Variants in JAK2 observed in about 807,000 individuals in gnomAD.
JAK2 encodes the protein Janus kinase 2.
Under a neutral mutation model 139.3 loss-of-function variants are expected in JAK2, and 86 were observed. That is an observed-to-expected ratio of 0.62 (90% CI 0.52 to 0.74). JAK2 has a LOEUF of 0.74. Among genes scored for constraint, JAK2 ranks in the 30% least tolerant of loss-of-function variants. The pLI is 0.00. For missense variants in JAK2, 1,421 were observed against 1,360.3 expected (o/e 1.04, Z -0.70); for synonymous variants, 490 against 437.7 (o/e 1.12, Z -1.49).
intron 2 of JAK2, among the ~76,000 whole-genome samples, chr9:4,992,554 C>T (rs750481932): frequency 2.0e-5 from 3 of 152,160 alleles, no homozygotes; most frequent in Non-Finnish European, 2.9e-5. Context: ...ATCTGAAATA[C>T]ACGCAAAATA....
Position 4,991,095 on chromosome 9 carries a change from G to T in JAK2, c.-26+5073G>T, listed in dbSNP as rs28510269. ...TTTGTGCTGGTAAAATTTGAATAAA[G>T]TGATAAAATATTTGTTTCTAAAAGG... On this transcript the variant is annotated intron_variant, in intron 2 of 24. Coordinates refer to ENST00000381652, the MANE Select transcript of JAK2 (RefSeq NM_004972.4). Among the ~76,000 whole-genome samples the T allele has an allele frequency of 4.6e-3, 702 of 152,254 alleles. 4 individuals carry two copies. Among genetic ancestry groups the T allele is most frequent in the African/African-American group, 0.015 (643 of 41,550 alleles).
At chr9:5,003,474 T>C (rs150921049) in intron 2 of JAK2, among the ~76,000 whole-genome samples, 1,737 of 152,180 alleles carry the variant, frequency 0.011, 22 homozygotes, top group Middle Eastern at 0.031. Flanking sequence ...GATTTTTTGT[T>C]ACTATTGTAA....
intron 10 of JAK2, among the ~76,000 whole-genome samples, chr9:5,067,754 T>A (rs916910498): frequency 6.6e-6 from 1 of 152,148 alleles, no homozygotes; most frequent in African/African-American, 2.4e-5. Flanking sequence ...AGGAAACTTA[T>A]CTACTGGACA....
chr9:5,062,418 G>A (rs1425762259), intron 8 of JAK2, among the ~76,000 whole-genome samples: 2 of 142,242 alleles, frequency 1.4e-5, no homozygotes, highest in South Asian at 4.5e-4. Flanking sequence ...TGACACATAG[G>A]AAGTAAGCAT....
At chr9:4,987,530 G>T (rs1820014882) in intron 2 of JAK2, among the ~76,000 whole-genome samples, 1 of 152,050 alleles carries the variant, frequency 6.6e-6, no homozygotes, top group African/African-American at 2.4e-5. Flanking sequence ...GAGGTGAGGA[G>T]CTTGAGACCA....
chr9:5,033,176 TGAGAA>T (rs1191755159), intron 4 of JAK2, among the ~76,000 whole-genome samples: 8 of 151,854 alleles, frequency 5.3e-5, no homozygotes, highest in Non-Finnish European at 1.0e-4. Flanking sequence ...TGAAATGAAG[TGAGAA>T]GAGAAGTTTA....
At chr9:5,124,707 A>G (rs1023378389) in intron 23 of JAK2, among the ~76,000 whole-genome samples, 4 of 151,826 alleles carry the variant, frequency 2.6e-5, no homozygotes, top group African/African-American at 9.7e-5. Flanking sequence ...TATAAAAAAC[A>G]AACACATAGA....
At position 5,080,656 on chromosome 9, in the gene JAK2, C is replaced by T. The variant is rs769318116; in HGVS notation, c.2407C>T (p.Arg803Ter). 9 of 1,596,520 alleles carry T rather than the reference C, an allele frequency of 5.6e-6. No homozygotes were observed. The highest frequency in any genetic ancestry group is 2.7e-5 in the African/African-American group (2 of 72,982). Residue 803 changes from arginine (R) to a stop codon, truncating the protein, a stop_gained, in exon 18 of 25, where the codon CGA becomes TGA. Transcript: ENST00000381652. LOFTEE classifies it high-confidence loss of function. ...CAGGCCTTCTTTCAGAGCCATCATA[C>T]GAGATCTTAACAGTTTGTTTACTCC... ...DFRPSFRAII[R>*]DLNSLFTPDY...
chr9:5,003,851 AG>A (rs55689419), intron 2 of JAK2, among the ~76,000 whole-genome samples: 31,160 of 151,954 alleles, frequency 0.21, 3,673 homozygotes, highest in Middle Eastern at 0.33. Context: ...ACCCTTTATC[AG>A]AGTGAGGAAG....
intron 4 of JAK2, among the ~76,000 whole-genome samples, chr9:5,040,259 A>G (rs1278398581): frequency 6.6e-6 from 1 of 152,062 alleles, no homozygotes; most frequent in African/African-American, 2.4e-5. Flanking sequence ...CATGTAAACT[A>G]ATGAAGTAAG....
At chr9:5,068,061 G>A (rs564228258) in intron 10 of JAK2, among the ~76,000 whole-genome samples, 3 of 152,136 alleles carry the variant, frequency 2.0e-5, no homozygotes, top group Non-Finnish European at 4.4e-5. Flanking sequence ...TCGGGAGGCT[G>A]AGGTAGGAGA....
At chr9:5,031,782 C>T (rs959766546) in intron 4 of JAK2, among the ~76,000 whole-genome samples, 2 of 152,136 alleles carry the variant, frequency 1.3e-5, no homozygotes, top group Non-Finnish European at 2.9e-5. Flanking sequence ...GAGGGTGGAG[C>T]CAAGATGACT....
intron 2 of JAK2, among the ~76,000 whole-genome samples, chr9:4,998,381 C>T (rs569047780): frequency 2.8e-4 from 43 of 152,132 alleles, no homozygotes; most frequent in African/African-American, 9.2e-4. Context: ...CTCAGCCTCC[C>T]GAGTAACTGG....
At chr9:5,106,981 G>A (rs977234116) in intron 22 of JAK2, among the ~76,000 whole-genome samples, 2 of 152,132 alleles carry the variant, frequency 1.3e-5, no homozygotes, top group Non-Finnish European at 1.5e-5. Context: ...GTATATCTAT[G>A]TAACAAACCT....
chr9:4,984,519 A>C (rs73389454), upstream of JAK2: 18,079 of 152,304 alleles, frequency 0.12, 2,431 homozygotes, highest in African/African-American at 0.33. Context: ...TTTCCAGCCA[A>C]GGTGGCTGAT....
chr9:5,114,248 C>A, intron 22 of JAK2: 1 of 535,926 alleles, frequency 1.9e-6, no homozygotes. Flanking sequence ...TGCCCACAAT[C>A]ACCTGTCTGG....
intron 4 of JAK2, among the ~76,000 whole-genome samples, chr9:5,033,106 C>T (rs986911858): frequency 6.6e-6 from 1 of 152,124 alleles, no homozygotes; most frequent in African/African-American, 2.4e-5. Context: ...AATGCACAAG[C>T]CTCAGTAGCC....
chr9:5,126,152 T>C, intron 23 of JAK2, 181 bp from the exon 24 acceptor site: 1 of 495,052 alleles, frequency 2.0e-6, no homozygotes, highest in Non-Finnish European at 3.6e-6. Context: ...ATGGAAATTA[T>C]AGAAGTTCCA....
intron 13 of JAK2, among the ~76,000 whole-genome samples, chr9:5,072,967 A>C (rs1819072448): frequency 6.6e-6 from 1 of 152,184 alleles, no homozygotes; most frequent in African/African-American, 2.4e-5. Flanking sequence ...AAAAAAACAA[A>C]AAACCAAGTT....
Sources: gnomAD v4.1 joint callset for allele counts (sites outside exome capture counted in the v4.1 genomes callset) on GRCh38, gnomAD v4.1.1 for gene constraint, MANE v1.5 for transcripts, NCBI Gene and HGNC (gene_info 2026-07-23, HGNC 2026-07-21) for gene names.